The following SLC35E2B variants were observed in gnomAD, a reference collection of about 807,000 sequenced individuals.
The protein encoded by SLC35E2B is solute carrier family 35, member E2B.
Under a neutral mutation model 32.4 loss-of-function variants are expected in SLC35E2B, and 18 were observed. The ratio of observed to expected loss-of-function variants is 0.56; its 90% CI spans 0.38 to 0.82. The LOEUF is 0.82. Ranked by LOEUF, SLC35E2B falls within the 40% of genes least tolerant of loss-of-function variation. The pLI is 0.00. For synonymous variants in SLC35E2B, 132 were observed against 209.1 expected, an observed-to-expected ratio of 0.63 and a Z score of 3.18; for missense variants, 263 against 469.5, an observed-to-expected ratio of 0.56 and a Z score of 4.06.
intron 2 of SLC35E2B, among the ~76,000 whole-genome samples, chr1:1,677,515 T>C (rs1201268366): frequency 6.7e-6 from 1 of 150,204 alleles, no homozygotes; most frequent in Non-Finnish European, 1.5e-5. Flanking sequence ...TATTGCTCTG[T>C]CGCCCAGGCT....
Position 1,665,002 on chromosome 1 carries a change from CAG to C in SLC35E2B, c.*778_*779del. 1 of 980,772 alleles carries C rather than the reference CAG, an allele frequency of 1.0e-6. No individual in the cohort carries two copies. 60.8% of individuals were successfully genotyped at this position (980,772 alleles called of 1,614,324 possible). A position where few individuals can be genotyped will look rare whatever the true frequency, so the allele number is the denominator to read the frequency against. On this transcript the variant is annotated 3_prime_UTR_variant, in exon 10 of 10. Coordinates refer to ENST00000617444, the MANE Select transcript of SLC35E2B (RefSeq NM_001290264.2). ...AACACGAGAGGTTTGTCCTCAACCT[CAG>C]GGCTGGAAACCCCCACAGGTAGGAG...
At chr1:1,679,231 C>T (rs547312389) in intron 2 of SLC35E2B, among the ~76,000 whole-genome samples, 69 of 152,326 alleles carry the variant, frequency 4.5e-4, no homozygotes, top group African/African-American at 1.4e-3. Context: ...CGTGTGCAGA[C>T]GACGCCAGTC....
intron 9 of SLC35E2B, 100 bp from the exon 10 acceptor site, chr1:1,666,119 G>GT: frequency 7.3e-7 from 1 of 1,363,732 alleles, no homozygotes; most frequent in Non-Finnish European, 9.9e-7. Context: ...GCTGGGTGGG[G>GT]TTGGGGGACT....
At position 1,665,484 on chromosome 1, in the gene SLC35E2B, A is replaced by G; in HGVS notation, c.*298T>C. 1 of 551,292 alleles carries G rather than the reference A, an allele frequency of 1.8e-6. No individual in the cohort carries two copies. The highest frequency in any genetic ancestry group is 3.4e-5 in the Admixed American group (1 of 29,640). The allele number at this position is 551,292 out of a possible 1,614,324, so 34.2% of individuals were successfully genotyped here. A position where few individuals can be genotyped will look rare whatever the true frequency, so the allele number is the denominator to read the frequency against. On this transcript the variant is annotated 3_prime_UTR_variant, in exon 10 of 10. Coordinates refer to ENST00000617444, the MANE Select transcript of SLC35E2B (RefSeq NM_001290264.2). ...CCCGGTGGACCCTGGGGTGTCGCCC[A>G]GAGAGGAAGTGGGCACCCCCAGCAT... is the stretch of plus-strand genomic sequence containing the variant.
chr1:1,683,576 C>G (rs1238730932), intron 2 of SLC35E2B, among the ~76,000 whole-genome samples: 1 of 152,076 alleles, frequency 6.6e-6, no homozygotes, highest in East Asian at 1.9e-4. Flanking sequence ...ACTCTTTCAT[C>G]TCTCATTCAC....
chr1:1,681,269 C>G (rs978174137), intron 2 of SLC35E2B, among the ~76,000 whole-genome samples: 1 of 151,942 alleles, frequency 6.6e-6, no homozygotes, highest in Non-Finnish European at 1.5e-5. Context: ...ATGATCTTGG[C>G]TCACTGCAAG....
chr1:1,680,578 C>G (rs1643891589), intron 2 of SLC35E2B, among the ~76,000 whole-genome samples: 1 of 152,140 alleles, frequency 6.6e-6, no homozygotes, highest in Non-Finnish European at 1.5e-5. Flanking sequence ...GCTCCCACAG[C>G]CCTGCCCCGG....
chr1:1,671,174 G>GCTGGGGGA (rs1171262905), intron 6 of SLC35E2B: 1 of 171,846 alleles, frequency 5.8e-6, no homozygotes. Context: ...AGAACCTGCC[G>GCTGGGGGA]CTGGGGGACT....
In SLC35E2B at chr1:1,662,604, A is replaced by G. The variant is rs1643434019; in HGVS notation, c.*3178T>C. On this transcript the variant is annotated 3_prime_UTR_variant, in exon 10 of 10. Transcript: ENST00000617444. Reference sequence around the variant, plus strand: ...AAAGACACATTTTGGGTTGTGCAACAGTGTTCTCATCTTTCCAGGCAGGCA... The same window carrying G: ...AAAGACACATTTTGGGTTGTGCAACGGTGTTCTCATCTTTCCAGGCAGGCA... 1.1e-6 allele frequency: 1 copy of G among 870,624 alleles called. No homozygotes were observed. Among genetic ancestry groups the G allele is most frequent in the Non-Finnish European group, 1.4e-6 (1 of 725,342 alleles). The allele number at this position is 870,624 out of a possible 1,614,324, so 53.9% of individuals were successfully genotyped here.
At position 1,665,293 on chromosome 1, in the gene SLC35E2B, G is replaced by T; in HGVS notation, c.*489C>A. On this transcript the variant is annotated 3_prime_UTR_variant, in exon 10 of 10. Transcript: ENST00000617444. ...TGGCAGCAGGAGACCCTTCCTTCCAGGGCCCTCTGTCCCCTCCCTTCGGCC... is the reference window on the plus strand; with the variant it reads ...TGGCAGCAGGAGACCCTTCCTTCCATGGCCCTCTGTCCCCTCCCTTCGGCC... The T allele has an allele frequency of 3.2e-6, 1 of 310,432 alleles. No homozygotes were observed. Among genetic ancestry groups the T allele is most frequent in the Non-Finnish European group, 5.9e-6 (1 of 170,028 alleles). 19.2% of individuals were successfully genotyped at this position (310,432 alleles called of 1,614,324 possible).
rs534139559 is a variant in SLC35E2B, at chr1:1,668,223, C to T, written c.980+104G>A. 1.6e-4 allele frequency: 235 copies of T among 1,476,032 alleles called. 1 individual carries two copies. The South Asian group carries it at 2.4e-3, about 15-fold the overall frequency. 91.4% of individuals were successfully genotyped at this position (1,476,032 alleles called of 1,614,324 possible). ...TACACTGCATAGCCACACTCATCCC[C>T]GTGGAAGAGAATCACATGTGTCCCT... On this transcript the variant is annotated intron_variant, in intron 9 of 9. Coordinates refer to ENST00000617444, the MANE Select transcript of SLC35E2B (RefSeq NM_001290264.2).
intron 5 of SLC35E2B, chr1:1,674,052 G>A (rs1341697116): frequency 5.4e-6 from 1 of 183,908 alleles, no homozygotes; most frequent in Non-Finnish European, 1.3e-5. Flanking sequence ...GAACATCCAA[G>A]TCTGGCTAGT....
Position 1,665,105 on chromosome 1 carries a change from A to G in SLC35E2B, c.*677T>C. On this transcript the variant is annotated 3_prime_UTR_variant, in exon 10 of 10. Transcript: ENST00000617444. ...GGGATAGGAGGGCAGGGTGTGGAAG[A>G]GGTAGGGGGCCTTCCTCTAAACAGA... The G allele has an allele frequency of 3.6e-6, 1 of 274,576 alleles. No homozygotes were observed. Among genetic ancestry groups the G allele is most frequent in the South Asian group, 1.4e-4 (1 of 7,300 alleles). 17.0% of individuals were successfully genotyped at this position (274,576 alleles called of 1,614,324 possible).
chr1:1,668,000 C>T (rs1225493841), intron 9 of SLC35E2B, among the ~76,000 whole-genome samples: 1 of 151,660 alleles, frequency 6.6e-6, no homozygotes, highest in Non-Finnish European at 1.5e-5. Flanking sequence ...TTACAGGTGC[C>T]CAGCATCACA....
chr1:1,675,624 A>C (rs1643826006), intron 4 of SLC35E2B, 34 bp from the exon 5 acceptor site: 1 of 1,489,970 alleles, frequency 6.7e-7, no homozygotes, highest in South Asian at 1.2e-5. Context: ...TCACCTTAGA[A>C]CGAGTCTGTC....
At chr1:1,669,898 G>A (rs1218434017) in intron 7 of SLC35E2B, 162 bp from the exon 8 acceptor site, 5 of 882,580 alleles carry the variant, frequency 5.7e-6, no homozygotes, top group Admixed American at 2.0e-5. Context: ...AAACGCAAAC[G>A]CACACCAGGC....
chr1:1,674,847 C>A (rs1305925589), intron 5 of SLC35E2B, among the ~76,000 whole-genome samples: 28 of 152,230 alleles, frequency 1.8e-4, no homozygotes, highest in South Asian at 1.7e-3. Context: ...GTGCACCCCC[C>A]GACTCCGTTC....
chr1:1,688,788 G>C (rs1643984400), intron 2 of SLC35E2B, among the ~76,000 whole-genome samples: 1 of 152,214 alleles, frequency 6.6e-6, no homozygotes, highest in Non-Finnish European at 1.5e-5. Context: ...CGCAGGGAGG[G>C]GGCGGCAGCC....
chr1:1,669,558 C>A, intron 8 of SLC35E2B, 106 bp downstream of exon 8: 2 of 1,220,314 alleles, frequency 1.6e-6, no homozygotes, highest in East Asian at 2.6e-5. Flanking sequence ...CGGAGCTGGG[C>A]CCAACCAGCC....
Sources: allele counts gnomAD v4.1 joint callset (sites outside exome capture counted in the v4.1 genomes callset), GRCh38; gene constraint gnomAD v4.1.1; transcripts MANE v1.5; gene names NCBI Gene and HGNC (gene_info 2026-07-23, HGNC 2026-07-21).